Variants in SGSM3 observed in about 807,000 individuals in gnomAD.
The protein encoded by SGSM3 is RUN and SH3 containing 3.
SGSM3 carries 96 observed loss-of-function variants against 100.5 expected under a neutral mutation model. The ratio of observed to expected loss-of-function variants is 0.96; its 90% CI spans 0.81 to 1.13. The LOEUF (loss-of-function observed/expected upper bound fraction) is 1.13, where lower values mean the gene tolerates loss of function less well. SGSM3 is among the 50% of genes most tolerant of loss of function. The pLI, the probability that SGSM3 is intolerant of heterozygous loss-of-function variation, is 0.00. For missense variants in SGSM3, 1,001 were observed against 1,015.8 expected, an observed-to-expected ratio of 0.99 and a Z score of 0.20; for synonymous variants, 483 against 422.8, an observed-to-expected ratio of 1.14 and a Z score of -1.75.
intron 1 of SGSM3, among the ~76,000 whole-genome samples, chr22:40,390,845 G>C (rs950660260): frequency 6.6e-5 from 10 of 152,174 alleles, no homozygotes; most frequent in African/African-American, 2.4e-4. Context: ...GGGAGCAGTA[G>C]AGAGCCAAGG....
intron 1 of SGSM3, among the ~76,000 whole-genome samples, chr22:40,379,978 T>C (rs1431365218): frequency 6.6e-6 from 1 of 152,192 alleles, no homozygotes; most frequent in Non-Finnish European, 1.5e-5. Flanking sequence ...CCTAAAGTGC[T>C]GGGATTATAG....
chr22:40,398,156 A>G (rs1359576763), intron 1 of SGSM3, among the ~76,000 whole-genome samples: 1 of 151,902 alleles, frequency 6.6e-6, no homozygotes, highest in Non-Finnish European at 1.5e-5. Context: ...TTAGTAGGAC[A>G]GGGTTTCACC....
chr22:40,408,429 G>A lies in SGSM3; in HGVS notation c.1782G>A (p.Glu594=). The A allele has an allele frequency of 1.2e-6, 2 of 1,613,422 alleles. No homozygotes were observed. Among genetic ancestry groups the A allele is most frequent in the Non-Finnish European group, 1.7e-6 (2 of 1,179,958 alleles). The change falls in exon 16 of 22, where the codon GAG becomes GAA. Residue 594 remains glutamate, a splice_region_variant and synonymous_variant. Coordinates refer to ENST00000248929, the MANE Select transcript of SGSM3 (RefSeq NM_015705.6). ...GCCACCCCTGGCTGTTTATCGAGGAGGTAAGTCAGTGGCTGGGCCCATGAC... is the reference window on the plus strand; with the variant it reads ...GCCACCCCTGGCTGTTTATCGAGGAAGTAAGTCAGTGGCTGGGCCCATGAC... ...GACHPWLFIE[E]AAGREVERDF...
In SGSM3 at chr22:40,408,029, G is replaced by C. The variant is rs201056625; in HGVS notation, c.1580-42G>C. 13 of 1,602,690 alleles carry C rather than the reference G, an allele frequency of 8.1e-6. No homozygotes were observed. The East Asian group carries it at 2.5e-4, about 30-fold the overall frequency. On this transcript the variant is annotated intron_variant, in intron 14 of 21. Coordinates refer to ENST00000248929, the MANE Select transcript of SGSM3 (RefSeq NM_015705.6). ...TGCAGGCTGTGTCTGCTCTGTCCTC[G>C]GCCCTCGTGGTTGCTCCTTACAGGG... is the stretch of plus-strand genomic sequence containing the variant.
intron 1 of SGSM3, chr22:40,387,578 T>C (rs1459666111): frequency 5.5e-6 from 1 of 181,130 alleles, no homozygotes; most frequent in African/African-American, 2.3e-5. Flanking sequence ...TTTATTTTCC[T>C]CAAAAACTCT....
At position 40,407,372 on chromosome 22, in the gene SGSM3, C is replaced by T. The variant is rs753350825; in HGVS notation, c.1369-41C>T. 11 of 1,612,408 alleles carry T rather than the reference C, an allele frequency of 6.8e-6. No homozygotes were observed. The highest frequency in any genetic ancestry group is 9.3e-6 in the Non-Finnish European group (11 of 1,179,166). On this transcript the variant is annotated intron_variant, in intron 12 of 21. Coordinates refer to ENST00000248929, the MANE Select transcript of SGSM3 (RefSeq NM_015705.6). The surrounding 1 kb of genome is among the most constrained non-coding windows in gnomAD (Gnocchi z 4.7). ...GGGCTGCTACCAAACACGGCCCTAA[C>T]TCCTCCAACCCCCTTGGTGGGCCTG...
Position 40,408,068 on chromosome 22 carries a change from C to T in SGSM3, c.1580-3C>T, listed in dbSNP as rs776139111. The T allele has an allele frequency of 3.1e-6, 5 of 1,613,134 alleles. No individual in the cohort carries two copies. In the South Asian group the frequency reaches 5.5e-5, roughly 18 times the overall value. On this transcript the variant is annotated splice_region_variant and splice_polypyrimidine_tract_variant and intron_variant, in intron 14 of 21. Transcript: ENST00000248929. ...CTCCTTACAGGGCCTGTTTTTCCCA[C>T]AGGCTGGTTTCCAGCCAAGTTCGTG...
chr22:40,390,246 A>C (rs2049171624), intron 1 of SGSM3: 1 of 152,268 alleles, frequency 6.6e-6, no homozygotes, highest in South Asian at 2.1e-4. Flanking sequence ...ACACGGTTCA[A>C]AATGAAAAAG....
In SGSM3 at chr22:40,375,826, C is replaced by G. The variant is rs117209489; in HGVS notation, c.-112+5138C>G. 6.7e-3 allele frequency among the ~76,000 whole-genome samples: 1,011 copies of G among 151,842 alleles called. 6 individuals carry two copies. Among genetic ancestry groups the G allele is most frequent in the Non-Finnish European group, 0.012 (798 of 67,894 alleles). On this transcript the variant is annotated intron_variant, in intron 1 of 21. Transcript: ENST00000248929. ...GCTGAGGTGGAAGGATCACTGAAGC[C>G]CAGGAGGTCAAGACCAGCCTGGGCA... is the stretch of plus-strand genomic sequence containing the variant.
At position 40,408,306 on chromosome 22, in the gene SGSM3, G is replaced by A. The variant is rs527973874; in HGVS notation, c.1659G>A (p.Thr553=). ...CCATCGCGGGGGATGACTCGGTGAC[G>A]GAGGGGGTCACAGACCTCGTGCGAG... ...EYSIAGDDSV[T]EGVTDLVRGT... is the part of the protein sequence containing the mutation. Residue 553 remains threonine, a synonymous_variant, in exon 16 of 22, where the codon ACG becomes ACA. Transcript: ENST00000248929. 150 of 1,613,596 alleles carry A rather than the reference G, an allele frequency of 9.3e-5. No individual in the cohort carries two copies. Among genetic ancestry groups the A allele is most frequent in the Middle Eastern group, 5.0e-4 (3 of 6,060 alleles).
At chr22:40,409,172 G>A (rs1333508719) in intron 19 of SGSM3, 78 bp from the exon 20 acceptor site, 3 of 1,557,004 alleles carry the variant, frequency 1.9e-6, no homozygotes, top group East Asian at 4.5e-5. Context: ...CTGAGAGACA[G>A]GTCAGAGGCT....
Position 40,396,854 on chromosome 22 carries a change from G to A in SGSM3, c.-111-3842G>A, listed in dbSNP as rs1417842409. Reference sequence around the variant, plus strand: ...TAGATGGGGGAAAACAGGGTGTATAGTAAGATCTGACCTTCTGTGCTTTTT... The same window carrying A: ...TAGATGGGGGAAAACAGGGTGTATAATAAGATCTGACCTTCTGTGCTTTTT... On this transcript the variant is annotated intron_variant, in intron 1 of 21. Transcript: ENST00000248929. 3.3e-5 allele frequency among the ~76,000 whole-genome samples: 5 copies of A among 152,192 alleles called. No individual in the cohort carries two copies. In the South Asian group the frequency reaches 1.0e-3, roughly 31 times the overall value.
chr22:40,375,592 AAG>A (rs1437205514), intron 1 of SGSM3, among the ~76,000 whole-genome samples: 1 of 151,974 alleles, frequency 6.6e-6, no homozygotes, highest in African/African-American at 2.4e-5. Context: ...AAAAAAAAAA[AAG>A]AGATTGACAC....
chr22:40,385,633 A>G (rs2146841572), intron 1 of SGSM3, among the ~76,000 whole-genome samples: 1 of 152,334 alleles, frequency 6.6e-6, no homozygotes, highest in Non-Finnish European at 1.5e-5. Context: ...AGCTTCGTTA[A>G]AGCTGGAGTA....
At chr22:40,405,412 TC>T in intron 7 of SGSM3, 128 bp downstream of exon 7, 2 of 998,536 alleles carry the variant, frequency 2.0e-6, no homozygotes, top group Non-Finnish European at 2.8e-6. Flanking sequence ...AGGAGTGGCC[TC>T]CCACTCCGGG....
chr22:40,379,126 T>A (rs1343391451), intron 1 of SGSM3, among the ~76,000 whole-genome samples: 2 of 152,238 alleles, frequency 1.3e-5, no homozygotes, highest in Non-Finnish European at 2.9e-5. Context: ...CTCTTATTAA[T>A]TTTTTAAGTT....
intron 1 of SGSM3, among the ~76,000 whole-genome samples, chr22:40,378,458 G>A (rs1035962044): frequency 1.3e-5 from 2 of 151,480 alleles, no homozygotes; most frequent in African/African-American, 4.9e-5. Flanking sequence ...GCCGGGCACG[G>A]TGGCTGATGC....
chr22:40,378,884 T>C (rs17001867), intron 1 of SGSM3, among the ~76,000 whole-genome samples: 3,448 of 152,252 alleles, frequency 0.023, 128 homozygotes, highest in African/African-American at 0.079. Flanking sequence ...TACCTGCTTT[T>C]CCTCACTTTT....
chr22:40,373,328 C>T (rs1390316540), intron 1 of SGSM3: 1 of 152,210 alleles, frequency 6.6e-6, no homozygotes, highest in Non-Finnish European at 1.5e-5. Context: ...TACCATTTCT[C>T]CTGCTTTTCC....
Sources: gnomAD v4.1 joint callset for allele counts (sites outside exome capture counted in the v4.1 genomes callset) on GRCh38, gnomAD v4.1.1 for gene constraint, Gnocchi (gnomAD v3.1) non-coding constraint, MANE v1.5 for transcripts, NCBI Gene and HGNC (gene_info 2026-07-23, HGNC 2026-07-21) for gene names.